Variants in ATAD2 observed in about 807,000 individuals in gnomAD.
The protein encoded by ATAD2 is ATPase family AAA domain-containing protein 2.
Under a neutral mutation model 168.9 loss-of-function variants are expected in ATAD2, and 62 were observed. The observed-to-expected ratio is 0.37, with a 90% CI of 0.30 to 0.45. The LOEUF (loss-of-function observed/expected upper bound fraction) is 0.45. Ranked by LOEUF, ATAD2 falls within the 20% of genes least tolerant of loss-of-function variation. ATAD2 has a pLI of 1.00. For missense variants in ATAD2, 1,419 were observed against 1,667.8 expected, an observed-to-expected ratio of 0.85 and a Z score of 2.60; for synonymous variants, 613 against 571.6, an observed-to-expected ratio of 1.07 and a Z score of -1.03.
intron 1 of ATAD2, among the ~76,000 whole-genome samples, chr8:123,390,686 T>C: frequency 6.6e-6 from 1 of 152,258 alleles, no homozygotes; most frequent in Non-Finnish European, 1.5e-5. Flanking sequence ...TTCTACATAC[T>C]GCAGAATGTT....
intron 8 of ATAD2, among the ~76,000 whole-genome samples, chr8:123,364,319 T>A (rs992669798): frequency 1.3e-5 from 2 of 152,168 alleles, no homozygotes; most frequent in African/African-American, 4.8e-5. Context: ...GCCCAGGTTC[T>A]TAGCAATTAC....
In ATAD2 at chr8:123,376,620, G is replaced by C. The variant is rs186000280; in HGVS notation, c.320+3909C>G. Among the ~76,000 whole-genome samples, 7 of 152,176 alleles carry C rather than the reference G, an allele frequency of 4.6e-5. No homozygotes were observed. In the East Asian group the frequency reaches 1.4e-3, roughly 29 times the overall value. On this transcript the variant is annotated intron_variant, in intron 2 of 27. Coordinates refer to ENST00000287394, the MANE Select transcript of ATAD2 (RefSeq NM_014109.4). ...ATTGTACACTTTAGAATTGTGAATT[G>C]TATGGTGTATAAATTATATCTCAAT... is the stretch of plus-strand genomic sequence containing the variant.
At chr8:123,372,852 C>T (rs1829188236) in intron 2 of ATAD2, among the ~76,000 whole-genome samples, 166 bp from the exon 3 acceptor site, 1 of 151,960 alleles carries the variant, frequency 6.6e-6, no homozygotes, top group African/African-American at 2.4e-5. Flanking sequence ...CCTCAGCCTC[C>T]CCAGTAGGTA....
upstream of ATAD2, among the ~76,000 whole-genome samples, chr8:123,398,213 A>G (rs1467693552): frequency 2.7e-5 from 4 of 145,776 alleles, no homozygotes; most frequent in African/African-American, 7.7e-5. Context: ...TTTTTTTGAG[A>G]GAGGTTCTTG....
intron 8 of ATAD2, among the ~76,000 whole-genome samples, chr8:123,366,727 C>T (rs1828990617): frequency 6.6e-6 from 1 of 152,066 alleles, no homozygotes; most frequent in Non-Finnish European, 1.5e-5. Context: ...ACTGTGGGAA[C>T]TCAGGGGGAA....
rs1829093708 is a variant in ATAD2, at chr8:123,369,918, T to TCATCA, written c.833_834insTGATG (p.Glu278AspfsTer73). The TCATCA allele has an allele frequency of 1.9e-6, 3 of 1,556,472 alleles. No homozygotes were observed. The African/African-American group carries it at 4.2e-5, about 22-fold the overall frequency. On this transcript the variant is annotated frameshift_variant, in exon 7 of 28. Coordinates refer to ENST00000287394, the MANE Select transcript of ATAD2 (RefSeq NM_014109.4). LOFTEE classifies it high-confidence loss of function. ...CTCCATCTTCTTCATCTTCATCATC[T>TCATCA]TCATCATCATCATCATCATCATCAT...
intron 22 of ATAD2, among the ~76,000 whole-genome samples, chr8:123,336,117 A>AC (rs1827906453): frequency 6.6e-6 from 1 of 152,216 alleles, no homozygotes; most frequent in African/African-American, 2.4e-5. Context: ...TCTATCATGT[A>AC]ATTGTTAATA....
chr8:123,373,075 G>A (rs2129773504), intron 2 of ATAD2, among the ~76,000 whole-genome samples: 1 of 151,968 alleles, frequency 6.6e-6, no homozygotes, highest in African/African-American at 2.4e-5. Context: ...TGGATTTTTA[G>A]TAGAGACGAG....
At chr8:123,409,437 C>A (rs1813120475) in intron 1 of ATAD2, among the ~76,000 whole-genome samples, 1 of 152,154 alleles carries the variant, frequency 6.6e-6, no homozygotes, top group Non-Finnish European at 1.5e-5. Flanking sequence ...TAATGCAAAT[C>A]AGATAAATGC....
intron 19 of ATAD2, chr8:123,344,496 C>A (rs982736243): frequency 4.2e-4 from 76 of 180,166 alleles, no homozygotes; most frequent in African/African-American, 1.7e-3. Context: ...CAGGCGCCAG[C>A]CACCACGTCC....
At chr8:123,401,574 G>T in intron 1 of ATAD2, 1 of 1,427,856 alleles carries the variant, frequency 7.0e-7, no homozygotes, top group Non-Finnish European at 9.7e-7. Flanking sequence ...CATCACCCAG[G>T]AAGTGATGGC....
Position 123,354,312 on chromosome 8 carries a change from C to T in ATAD2, c.1646+2077G>A, listed in dbSNP as rs1828562806. Among the ~76,000 whole-genome samples the T allele has an allele frequency of 8.5e-5, 13 of 152,294 alleles. No homozygotes were observed. The South Asian group carries it at 2.7e-3, about 32-fold the overall frequency. ...TTAATCATCTTCAACATGCAATGTG[C>T]TAAATTCTAAAAAAGCTTAATTTAA... On this transcript the variant is annotated intron_variant, in intron 13 of 27. Coordinates refer to ENST00000287394, the MANE Select transcript of ATAD2 (RefSeq NM_014109.4).
chr8:123,374,835 T>C (rs1829255649), intron 2 of ATAD2, among the ~76,000 whole-genome samples: 2 of 152,212 alleles, frequency 1.3e-5, no homozygotes, highest in African/African-American at 4.8e-5. Context: ...AGAGGTTTTG[T>C]GTACACTCTG....
chr8:123,346,239 T>TG lies in ATAD2; in HGVS notation c.2378dup (p.Arg794LysfsTer41), dbSNP rs770412670. ...CTGGTTCTCCTACTATCAATATTCT[T>TG]GGTCGAAAAGACATAGGTTGGTAAC... On this transcript the variant is annotated frameshift_variant, in exon 18 of 28. Transcript: ENST00000287394. LOFTEE classifies it high-confidence loss of function. The TG allele has an allele frequency of 6.2e-7, 1 of 1,608,020 alleles. No homozygotes were observed. Among genetic ancestry groups the TG allele is most frequent in the African/African-American group, 1.3e-5 (1 of 74,486 alleles).
At chr8:123,357,784 CTT>C in intron 11 of ATAD2, 48 bp from the exon 12 acceptor site, 1 of 1,493,952 alleles carries the variant, frequency 6.7e-7, no homozygotes, top group Non-Finnish European at 9.0e-7. Flanking sequence ...AAAAAGCAGA[CTT>C]TTAAAACAAA....
At chr8:123,379,767 A>C (rs1829436607) in intron 2 of ATAD2, among the ~76,000 whole-genome samples, 1 of 150,906 alleles carries the variant, frequency 6.6e-6, no homozygotes, top group Non-Finnish European at 1.5e-5. Context: ...ATGGGGTTTC[A>C]CCATATTGGC....
In ATAD2 at chr8:123,396,263, T is replaced by C. The variant is rs373647701; in HGVS notation, c.95A>G (p.Glu32Gly). 9.9e-6 allele frequency: 16 copies of C among 1,610,656 alleles called. No homozygotes were observed. The African/African-American group carries it at 1.5e-4, about 15-fold the overall frequency. Reference protein sequence around the residue: ...LDLSSDFLSLEHIGRRRLRSA... With the variant: ...LDLSSDFLSLGHIGRRRLRSA... ...GCGGAGCCGCCTCCGGCCGATGTGC[T>C]CCAGACTGAGGAAGTCACTGGACAG... Residue 32 changes from glutamate (E) to glycine (G), a missense_variant, in exon 1 of 28, where the codon GAG (glutamate) becomes GGG (glycine). Glu to Gly is a moderately conservative substitution (Grantham distance 98). This residue lies in a region of ATAD2 where 419 missense variants were observed against 423.5 expected (regional missense o/e 0.99). Coordinates refer to ENST00000287394, the MANE Select transcript of ATAD2 (RefSeq NM_014109.4).
At chr8:123,401,561 C>G in intron 1 of ATAD2, 10 of 1,493,614 alleles carry the variant, frequency 6.7e-6, no homozygotes, top group Middle Eastern at 2.3e-4. Flanking sequence ...GCGGCTCCCT[C>G]TGCATCACCC....
chr8:123,415,001 C>T (rs1813224807), intron 1 of ATAD2, among the ~76,000 whole-genome samples: 1 of 151,966 alleles, frequency 6.6e-6, no homozygotes, highest in Non-Finnish European at 1.5e-5. Flanking sequence ...TGTATAGGTC[C>T]TGTGTGATTT....
Sources: gnomAD v4.1 joint callset for allele counts (sites outside exome capture counted in the v4.1 genomes callset) on GRCh38, gnomAD v4.1.1 for gene constraint, gnomAD v4.1.1 regional missense constraint, MANE v1.5 for transcripts, NCBI Gene and HGNC (gene_info 2026-07-23, HGNC 2026-07-21) for gene names.